The following KCNV2 variants were observed in gnomAD, a reference collection of about 807,000 sequenced individuals.
The protein encoded by KCNV2 is potassium voltage-gated channel modifier subfamily V member 2.
KCNV2 carries 65 observed loss-of-function variants against 37.0 expected under a neutral mutation model. The ratio of observed to expected loss-of-function variants is 1.76; its 90% confidence interval spans 1.44 to 2.16. The LOEUF is 2.16. KCNV2 is among the 30% of genes most tolerant of loss of function. The pLI is 0.00. For synonymous variants in KCNV2, 518 were observed against 328.6 expected, an observed-to-expected ratio of 1.58 and a Z score of -6.23; for missense variants, 1,232 against 766.7, an observed-to-expected ratio of 1.61 and a Z score of -7.17.
Position 2,729,736 on chromosome 9 carries a change from A to G in KCNV2, c.*9A>G. The G allele has an allele frequency of 6.2e-7, 1 of 1,613,744 alleles. No homozygotes were observed. Among genetic ancestry groups the G allele is most frequent in the Non-Finnish European group, 8.5e-7 (1 of 1,179,646 alleles). On this transcript the variant is annotated 3_prime_UTR_variant, in exon 2 of 2. Transcript: ENST00000382082. Reference sequence around the variant, plus strand: ...CAAGACAAGAGAATTAGTATTTTATAGGACATGTGGCTGGTAGATTCCATG... The same window carrying G: ...CAAGACAAGAGAATTAGTATTTTATGGGACATGTGGCTGGTAGATTCCATG...
chr9:2,726,764 G>A (rs1021803713), intron 1 of KCNV2, among the ~76,000 whole-genome samples: 2 of 152,142 alleles, frequency 1.3e-5, no homozygotes, highest in African/African-American at 2.4e-5. Flanking sequence ...CACACAGCAG[G>A]AGATGAGTGG....
chr9:2,728,041 G>A (rs959046846), intron 1 of KCNV2, among the ~76,000 whole-genome samples: 2 of 152,132 alleles, frequency 1.3e-5, no homozygotes, highest in African/African-American at 4.8e-5. Flanking sequence ...TCAAAAAGGA[G>A]GCATACCCTT....
At chr9:2,719,534 C>T (rs1451013669) in intron 1 of KCNV2, among the ~76,000 whole-genome samples, 2 of 151,836 alleles carry the variant, frequency 1.3e-5, no homozygotes, top group Non-Finnish European at 2.9e-5. Flanking sequence ...TAGATTTATA[C>T]AGAGAAGGAG....
chr9:2,718,255 G>A lies in KCNV2; in HGVS notation c.516G>A (p.Val172=), dbSNP rs1307513664. The A allele has an allele frequency of 3.7e-6, 6 of 1,612,930 alleles. No individual in the cohort carries two copies. In the African/African-American group the frequency reaches 5.3e-5, roughly 14 times the overall value. Residue 172 remains valine (V), a synonymous_variant, in exon 1 of 2, where the codon GTG becomes GTA. Coordinates refer to ENST00000382082, the MANE Select transcript of KCNV2 (RefSeq NM_133497.4). ...YNFYLSGVLL[V]LDGLCPRRFL... ...TCTACCTGTCCGGGGTGCTGCTGGT[G>A]CTCGACGGGCTGTGTCCGCGCCGCT...
chr9:2,721,166 AT>A (rs1246675883), intron 1 of KCNV2, among the ~76,000 whole-genome samples: 1 of 152,144 alleles, frequency 6.6e-6, no homozygotes, highest in Non-Finnish European at 1.5e-5. Context: ...CATAGGCCCA[AT>A]TTTGCACATT....
At chr9:2,722,406 A>AATAAGTTATTTATAAATAGAAGTTATTT (rs1197295895) in intron 1 of KCNV2, among the ~76,000 whole-genome samples, 2 of 139,938 alleles carry the variant, frequency 1.4e-5, no homozygotes, top group African/African-American at 5.5e-5. Context: ...GTTATTTATA[A>AATAAGTTATTTATAAATAGAAGTTATTT]ATAAGTTATT....
At chr9:2,722,510 A>G (rs1426382353) in intron 1 of KCNV2, among the ~76,000 whole-genome samples, 2 of 134,486 alleles carry the variant, frequency 1.5e-5, no homozygotes, top group Non-Finnish European at 3.1e-5. Flanking sequence ...TAAATAAGTT[A>G]TTTATAAATA....
In KCNV2 at chr9:2,718,838, G is replaced by C. The variant is rs377129306; in HGVS notation, c.1099G>C (p.Gly367Arg). 5.0e-6 allele frequency: 8 copies of C among 1,609,416 alleles called. No individual in the cohort carries two copies. The African/African-American group carries it at 9.3e-5, about 19-fold the overall frequency. Residue 367 changes from glycine to arginine, a missense_variant, in exon 1 of 2, where the codon GGC becomes CGC. By Grantham distance (125) the Gly-to-Arg change is moderately radical (BLOSUM62 -2). Coordinates refer to ENST00000382082, the MANE Select transcript of KCNV2 (RefSeq NM_133497.4). ...GGGCCACCAACGCGGCCAGACGGTG[G>C]GCAGCGTGGGTAAGGTGGGTCAGGT... is the stretch of plus-strand genomic sequence containing the variant. ...GEGHQRGQTV[G>R]SVGKVGQVLR...
chr9:2,718,061 T>C lies in KCNV2; in HGVS notation c.322T>C (p.Tyr108His). The change falls in exon 1 of 2, where the codon TAC becomes CAC. Residue 108 changes from tyrosine to histidine, a missense_variant. By Grantham distance (83) the Tyr-to-His change is moderately conservative. Transcript: ENST00000382082. ...TLNVNVGGHS[Y>H]QLDYCELAGF... ...GAATGTGAACGTGGGTGGCCACAGC[T>C]ACCAGCTGGACTACTGCGAGCTGGC... is the stretch of plus-strand genomic sequence containing the variant. 6.2e-7 allele frequency: 1 copy of C among 1,607,234 alleles called. No homozygotes were observed. The highest frequency in any genetic ancestry group is 1.1e-5 in the South Asian group (1 of 90,340).
chr9:2,717,826 C>T lies in KCNV2; in HGVS notation c.87C>T (p.Ser29=), dbSNP rs755979460. The change falls in exon 1 of 2, where the codon AGC becomes AGT. Residue 29 remains serine, a synonymous_variant. Transcript: ENST00000382082. The part of the protein sequence containing the change: ...TENEGSQHRR[S]ICSLGARSGS... ...ATGAGGGCAGCCAACACCGCAGGAG[C>T]ATTTGCTCCCTGGGTGCCCGTTCCG... 38 of 1,614,114 alleles carry T rather than the reference C, an allele frequency of 2.4e-5. No individual in the cohort carries two copies. The highest frequency in any genetic ancestry group is 5.0e-5 in the Admixed American group (3 of 60,014).
At chr9:2,726,414 A>G (rs906672035) in intron 1 of KCNV2, among the ~76,000 whole-genome samples, 1 of 152,176 alleles carries the variant, frequency 6.6e-6, no homozygotes, top group East Asian at 1.9e-4. Flanking sequence ...TATTTGGATC[A>G]TATTATACAC....
In KCNV2 at chr9:2,729,996, G is replaced by C. The variant is rs567151801; in HGVS notation, c.*269G>C. 256 of 422,682 alleles carry C rather than the reference G, an allele frequency of 6.1e-4. No individual in the cohort carries two copies. Among genetic ancestry groups the C allele is most frequent in the African/African-American group, 4.0e-3 (203 of 50,646 alleles). 26.2% of individuals were successfully genotyped at this position (422,682 alleles called of 1,614,324 possible). A position where few individuals can be genotyped will look rare whatever the true frequency, so the allele number is the denominator to read the frequency against. The stretch of plus-strand genomic sequence containing the variant: ...AGCAACAGCTTAGATTTTTCTTGTA[G>C]CTTCTCGTGGCATCTAGCTCAATAA... On this transcript the variant is annotated 3_prime_UTR_variant, in exon 2 of 2. Coordinates refer to ENST00000382082, the MANE Select transcript of KCNV2 (RefSeq NM_133497.4).
chr9:2,726,752 G>A (rs939624348), intron 1 of KCNV2, among the ~76,000 whole-genome samples: 22 of 152,180 alleles, frequency 1.4e-4, no homozygotes, highest in East Asian at 5.8e-4. Flanking sequence ...TAGGAACCCG[G>A]CCACACAGCA....
intron 1 of KCNV2, among the ~76,000 whole-genome samples, chr9:2,727,666 T>C (rs1293241309): frequency 6.6e-6 from 1 of 152,116 alleles, no homozygotes. Flanking sequence ...CTTTGCCTCT[T>C]CTCAGTGGAG....
rs114518703 is a variant in KCNV2, at chr9:2,726,320, A to G, written c.1357-3126A>G. On this transcript the variant is annotated intron_variant, in intron 1 of 1. Coordinates refer to ENST00000382082, the MANE Select transcript of KCNV2 (RefSeq NM_133497.4). ...CATATAAATTAACTGTACATTTTCAACAAATTATTGGGGACCAGTCACACA... is the reference window on the plus strand; with the variant it reads ...CATATAAATTAACTGTACATTTTCAGCAAATTATTGGGGACCAGTCACACA... 9.4e-3 allele frequency among the ~76,000 whole-genome samples: 1,430 copies of G among 152,314 alleles called. 22 individuals are homozygous for G. Among genetic ancestry groups the G allele is most frequent in the African/African-American group, 0.032 (1,349 of 41,576 alleles).
At position 2,718,407 on chromosome 9, in the gene KCNV2, A is replaced by C. The variant is rs1365922460; in HGVS notation, c.668A>C (p.Gln223Pro). 6.2e-7 allele frequency: 1 copy of C among 1,603,124 alleles called. No individual in the cohort carries two copies. The highest frequency in any genetic ancestry group is 1.7e-5 in the Admixed American group (1 of 58,294). ...AAGATCCAGCACGAGCTGCGCGCGC[A>C]GGCGCAGGTCGAGGAGGCGGAGGAA... ...RLKIQHELRA[Q>P]AQVEEAEELF... The change falls in exon 1 of 2, where the codon CAG becomes CCG. Residue 223 changes from glutamine (Q) to proline (P), a missense_variant. Coordinates refer to ENST00000382082, the MANE Select transcript of KCNV2 (RefSeq NM_133497.4).
In KCNV2 at chr9:2,729,827, G is replaced by C. The variant is rs948686874; in HGVS notation, c.*100G>C. On this transcript the variant is annotated 3_prime_UTR_variant, in exon 2 of 2. Coordinates refer to ENST00000382082, the MANE Select transcript of KCNV2 (RefSeq NM_133497.4). ...TGGCAGCAAAAGGAAATGTGAAGCAGACATACACAAAGGCCATTTCGTTCA... is the reference window on the plus strand; with the variant it reads ...TGGCAGCAAAAGGAAATGTGAAGCACACATACACAAAGGCCATTTCGTTCA... 3.8e-6 allele frequency: 5 copies of C among 1,313,896 alleles called. No homozygotes were observed. Among genetic ancestry groups the C allele is most frequent in the Non-Finnish European group, 5.5e-6 (5 of 914,962 alleles). 81.4% of individuals were successfully genotyped at this position (1,313,896 alleles called of 1,614,324 possible). A position where few individuals can be genotyped will look rare whatever the true frequency, so the allele number is the denominator to read the frequency against.
chr9:2,729,402 G>C (rs747217154), intron 1 of KCNV2, 44 bp from the exon 2 acceptor site: 4 of 1,609,592 alleles, frequency 2.5e-6, no homozygotes, highest in East Asian at 2.2e-5. Flanking sequence ...TCTCCTCCCC[G>C]ATCTTAGTGC....
Position 2,717,633 on chromosome 9 carries a change from T to C in KCNV2, c.-107T>C, listed in dbSNP as rs1586686218. On this transcript the variant is annotated 5_prime_UTR_variant, in exon 1 of 2. Coordinates refer to ENST00000382082, the MANE Select transcript of KCNV2 (RefSeq NM_133497.4). ...AGCTGTGCTGGTCCGGGCTGGCCTC[T>C]CTAAGACAGTGCAGGCCACGTGATC... The C allele has an allele frequency of 6.9e-7, 1 of 1,454,846 alleles. No individual in the cohort carries two copies. The highest frequency in any genetic ancestry group is 2.3e-5 in the East Asian group (1 of 43,824). 90.1% of individuals were successfully genotyped at this position (1,454,846 alleles called of 1,614,324 possible). A position where few individuals can be genotyped will look rare whatever the true frequency, so the allele number is the denominator to read the frequency against.
Sources: gnomAD v4.1 joint callset for allele counts (sites outside exome capture counted in the v4.1 genomes callset) on GRCh38, gnomAD v4.1.1 for gene constraint, MANE v1.5 for transcripts, NCBI Gene and HGNC (gene_info 2026-07-23, HGNC 2026-07-21) for gene names.